Variants in VPS33B observed in about 807,000 individuals in gnomAD.
VPS33B encodes VPS33B late endosome and lysosome associated, also known as vacuolar protein sorting-associated protein 33B.
VPS33B carries 80 observed loss-of-function variants against 95.3 expected under a neutral mutation model. The observed-to-expected ratio is 0.84, with a 90% confidence interval of 0.70 to 1.01. The LOEUF is 1.01. VPS33B is among the 50% of genes least tolerant of loss of function. VPS33B has a pLI of 0.00. For synonymous variants in VPS33B, 280 were observed against 280.4 expected, an observed-to-expected ratio of 1.00 and a Z score of 0.01; for missense variants, 715 against 773.4, an observed-to-expected ratio of 0.92 and a Z score of 0.90.
Position 91,001,399 on chromosome 15 carries a change from T to C in VPS33B, c.1469A>G (p.Lys490Arg). Reference protein sequence around the residue: ...KRSNFRAISKKLNLIPRVDGE... With the variant: ...KRSNFRAISKRLNLIPRVDGE... ...CCCTGTTCCACATACCAAATTCAGC[T>C]TTTTGCTGATGGCACGAAAATTGCT... The change falls in exon 19 of 23, where the codon AAG (lysine) becomes AGG (arginine). Residue 490 changes from lysine to arginine, a missense_variant. By Grantham distance (26) the Lys-to-Arg change is conservative. Coordinates refer to ENST00000333371, the MANE Select transcript of VPS33B (RefSeq NM_018668.5). 6.2e-7 allele frequency: 1 copy of C among 1,613,706 alleles called. No homozygotes were observed. The highest frequency in any genetic ancestry group is 8.5e-7 in the Non-Finnish European group (1 of 1,179,738).
At position 91,006,010 on chromosome 15, in the gene VPS33B, A is replaced by C; in HGVS notation, c.902T>G (p.Leu301Trp). The C allele has an allele frequency of 6.2e-7, 1 of 1,614,226 alleles. No individual in the cohort carries two copies. Among genetic ancestry groups the C allele is most frequent in the Non-Finnish European group, 8.5e-7 (1 of 1,180,044 alleles). ...NEHFSNVFGF[L>W]SQKARNLQAQ... ...CTGCAAGTTCCGGGCCTTCTGGCTC[A>C]AGAAGCCAAAGACATTGGAGAAGTG... The change falls in exon 12 of 23, where the codon TTG becomes TGG. Residue 301 changes from leucine to tryptophan, a missense_variant. Transcript: ENST00000333371. The surrounding 1 kb of genome is among the most constrained non-coding windows in gnomAD (Gnocchi z 5.4).
intron 3 of VPS33B, among the ~76,000 whole-genome samples, chr15:91,016,574 G>T (rs558648884): frequency 6.6e-6 from 1 of 151,872 alleles, no homozygotes; most frequent in African/African-American, 2.4e-5. Context: ...AGTAGAGATG[G>T]GGTTTCACCA....
rs759736388 is a variant in VPS33B at position 91,005,151 on chromosome 15, G to A, written c.1106-32C>T. On this transcript the variant is annotated intron_variant, in intron 14 of 22. Coordinates refer to ENST00000333371, the MANE Select transcript of VPS33B (RefSeq NM_018668.5). This position sits in a 1 kb window ranked among gnomAD's most constrained non-coding sequence, Gnocchi z 6.4. ...GTAATCAGAGGAGAGCCTGTTACTGGGGGCCAGCTCAGCTGCTGCCATCTA... is the reference window on the plus strand; with the variant it reads ...GTAATCAGAGGAGAGCCTGTTACTGAGGGCCAGCTCAGCTGCTGCCATCTA... 1 of 1,614,040 alleles carries A rather than the reference G, an allele frequency of 6.2e-7. No individual in the cohort carries two copies. The highest frequency in any genetic ancestry group is 8.5e-7 in the Non-Finnish European group (1 of 1,180,024).
At chr15:91,019,648 G>A (rs1243756078) in intron 1 of VPS33B, among the ~76,000 whole-genome samples, 5 of 152,108 alleles carry the variant, frequency 3.3e-5, no homozygotes, top group Admixed American at 2.6e-4. Flanking sequence ...GGAAATGTTA[G>A]AGGAATCTGA....
chr15:91,021,053 C>T (rs1446661637), intron 1 of VPS33B, among the ~76,000 whole-genome samples: 3 of 151,756 alleles, frequency 2.0e-5, no homozygotes, highest in Non-Finnish European at 1.5e-5. Flanking sequence ...CCCATCCAAA[C>T]CCAAACAAAT....
chr15:91,005,976 A>G lies in VPS33B; in HGVS notation c.936T>C (p.Tyr312=), dbSNP rs1268491880. ...GGAGCAGGGCTTGGAGCCTCACATC[A>G]TACTGGGCCTGCAAGTTCCGGGCCT... The part of the protein sequence containing the change: ...SQKARNLQAQ[Y]DRRRGMDIKQ... Residue 312 remains tyrosine (Y), a synonymous_variant, in exon 12 of 23, where the codon TAT becomes TAC. Coordinates refer to ENST00000333371, the MANE Select transcript of VPS33B (RefSeq NM_018668.5). The surrounding 1 kb of genome is among the most constrained non-coding windows in gnomAD (Gnocchi z 6.4). 1.9e-6 allele frequency: 3 copies of G among 1,614,000 alleles called. No homozygotes were observed. Among genetic ancestry groups the G allele is most frequent in the Non-Finnish European group, 2.5e-6 (3 of 1,180,014 alleles).
chr15:91,020,805 C>T (rs144190025), intron 1 of VPS33B, among the ~76,000 whole-genome samples: 63 of 152,216 alleles, frequency 4.1e-4, no homozygotes, highest in African/African-American at 1.4e-3. Flanking sequence ...CGCCTGAACC[C>T]GGGAGGTGGA....
Position 91,014,547 on chromosome 15 carries a change from C to G in VPS33B, c.240-114G>C, listed in dbSNP as rs954611796. ...TGCCATTTGCCCTACAGGTCTCATC[C>G]TAGCCAAAGCTATGCTATTCTCTTG... is the stretch of plus-strand genomic sequence containing the variant. On this transcript the variant is annotated intron_variant, in intron 3 of 22. Coordinates refer to ENST00000333371, the MANE Select transcript of VPS33B (RefSeq NM_018668.5). 3 of 1,132,156 alleles carry G rather than the reference C, an allele frequency of 2.6e-6. No homozygotes were observed. The African/African-American group carries it at 4.6e-5, about 17-fold the overall frequency. 70.1% of individuals were successfully genotyped at this position (1,132,156 alleles called of 1,614,324 possible). A position where few individuals can be genotyped will look rare whatever the true frequency, so the allele number is the denominator to read the frequency against.
Position 91,007,812 on chromosome 15 carries a change from T to C in VPS33B, c.498+58A>G. 3 of 1,500,626 alleles carry C rather than the reference T, an allele frequency of 2.0e-6. No individual in the cohort carries two copies. Among genetic ancestry groups the C allele is most frequent in the South Asian group, 2.3e-5 (2 of 88,758 alleles). 93.0% of individuals were successfully genotyped at this position (1,500,626 alleles called of 1,614,324 possible). A position where few individuals can be genotyped will look rare whatever the true frequency, so the allele number is the denominator to read the frequency against. ...GGTTATATTGGTATTTCTAGCCCTCTGCATCCCACATTTGTCCCCATCCCC... is the reference window on the plus strand; with the variant it reads ...GGTTATATTGGTATTTCTAGCCCTCCGCATCCCACATTTGTCCCCATCCCC... On this transcript the variant is annotated intron_variant, in intron 7 of 22. Coordinates refer to ENST00000333371, the MANE Select transcript of VPS33B (RefSeq NM_018668.5). The surrounding 1 kb of genome is among the most constrained non-coding windows in gnomAD (Gnocchi z 5.3).
rs2040713672 is a variant in VPS33B at position 91,009,385 on chromosome 15, C to A, written c.403+416G>T. Among the ~76,000 whole-genome samples the A allele has an allele frequency of 6.6e-6, 1 of 152,052 alleles. No homozygotes were observed. Among genetic ancestry groups the A allele is most frequent in the Non-Finnish European group, 1.5e-5 (1 of 68,020 alleles). On this transcript the variant is annotated intron_variant, in intron 6 of 22. Transcript: ENST00000333371. The surrounding 1 kb of genome is among the most constrained non-coding windows in gnomAD (Gnocchi z 4.1). ...GCAATGGCGTGATCTCGGCTCACTG[C>A]AACCTCTGCCTCCCGGGTTCAAGCA... is the stretch of plus-strand genomic sequence containing the variant.
At position 91,007,753 on chromosome 15, in the gene VPS33B, T is replaced by C. The variant is rs57941827; in HGVS notation, c.498+117A>G. ...CTGTAGCACTCAATCACCACATCAC[T>C]ATCACTTGTGATAAATTACTTGCGT... On this transcript the variant is annotated intron_variant, in intron 7 of 22. Coordinates refer to ENST00000333371, the MANE Select transcript of VPS33B (RefSeq NM_018668.5). This position sits in a 1 kb window ranked among gnomAD's most constrained non-coding sequence, Gnocchi z 5.3. The C allele has an allele frequency of 4.6e-3, 5,493 of 1,189,392 alleles. 139 individuals carry two copies. In the African/African-American group the frequency reaches 0.062, roughly 13 times the overall value. The allele number at this position is 1,189,392 out of a possible 1,614,324, so 73.7% of individuals were successfully genotyped here.
rs550132301 is a variant in VPS33B, at chr15:91,006,246, C to T, written c.852+126G>A. ...GATGCTCTGAACTGGTGGGGAAACC[C>T]TCTCTCCCATAGACTCAGCCTCCCC... On this transcript the variant is annotated intron_variant, in intron 11 of 22. Transcript: ENST00000333371. The surrounding 1 kb of genome is among the most constrained non-coding windows in gnomAD (Gnocchi z 5.4). 3.0e-5 allele frequency: 43 copies of T among 1,452,114 alleles called. No homozygotes were observed. In the African/African-American group the frequency reaches 5.7e-4, roughly 19 times the overall value. 90.0% of individuals were successfully genotyped at this position (1,452,114 alleles called of 1,614,324 possible).
intron 6 of VPS33B, 145 bp from the exon 7 acceptor site, chr15:91,008,109 CAAA>C (rs570364703): frequency 1.5e-4 from 117 of 765,168 alleles, no homozygotes; most frequent in African/African-American, 1.5e-3. Flanking sequence ...AATGGAGGCT[CAAA>C]GAAGAATAAG....
In VPS33B at chr15:91,005,005, C is replaced by A. The variant is rs762886250; in HGVS notation, c.1170+50G>T. Reference sequence around the variant, plus strand: ...TTCTTTTCCTTCTGCTTAAGGCCGACCCCACCTCTAAATGCCATTCTTGGC... The same window carrying A: ...TTCTTTTCCTTCTGCTTAAGGCCGAACCCACCTCTAAATGCCATTCTTGGC... On this transcript the variant is annotated intron_variant, in intron 15 of 22. Coordinates refer to ENST00000333371, the MANE Select transcript of VPS33B (RefSeq NM_018668.5). The surrounding 1 kb of genome is among the most constrained non-coding windows in gnomAD (Gnocchi z 6.4). 5 of 1,614,086 alleles carry A rather than the reference C, an allele frequency of 3.1e-6. No homozygotes were observed. Among genetic ancestry groups the A allele is most frequent in the East Asian group, 4.5e-5 (2 of 44,900 alleles).
intron 3 of VPS33B, 54 bp downstream of exon 3, chr15:91,016,908 GC>G: frequency 6.5e-7 from 1 of 1,546,166 alleles, no homozygotes; most frequent in Non-Finnish European, 8.9e-7. Context: ...AGGCAGACGT[GC>G]CCCTAGGGAC....
chr15:91,022,529 C>T lies in VPS33B; in HGVS notation c.-280G>A. ...TGCCCGTCAGCAGGATTCCGGTCTACACCCCGCAGAGACTCCGCAGCGTAC... is the reference window on the plus strand; with the variant it reads ...TGCCCGTCAGCAGGATTCCGGTCTATACCCCGCAGAGACTCCGCAGCGTAC... On this transcript the variant is annotated 5_prime_UTR_variant, in exon 1 of 23. Coordinates refer to ENST00000333371, the MANE Select transcript of VPS33B (RefSeq NM_018668.5). 3.1e-6 allele frequency: 1 copy of T among 323,414 alleles called. No homozygotes were observed. The highest frequency in any genetic ancestry group is 5.6e-6 in the Non-Finnish European group (1 of 177,058). 20.0% of individuals were successfully genotyped at this position (323,414 alleles called of 1,614,324 possible).
chr15:91,017,700 C>G (rs534216885), intron 2 of VPS33B, 105 bp downstream of exon 2: 6 of 1,087,688 alleles, frequency 5.5e-6, no homozygotes, highest in East Asian at 4.7e-5. Context: ...TTAAGCTACC[C>G]TATATTTGCC....
In VPS33B at chr15:91,007,491, T is replaced by C. The variant is rs200271574; in HGVS notation, c.581A>G (p.Tyr194Cys). Residue 194 changes from tyrosine to cysteine, a missense_variant, in exon 8 of 23, where the codon TAT becomes TGT. Tyr to Cys is a radical substitution (Grantham distance 194). Coordinates refer to ENST00000333371, the MANE Select transcript of VPS33B (RefSeq NM_018668.5). This position sits in a 1 kb window ranked among gnomAD's most constrained non-coding sequence, Gnocchi z 5.3. ...STLYGPFPNC[Y>C]GIGRCAKMAY... The stretch of plus-strand genomic sequence containing the variant: ...TACCTTGGCGCACCTGCCAATTCCA[T>C]AGCAGTTTGGAAAGGGTCCATAGAG... 6.8e-6 allele frequency: 11 copies of C among 1,614,118 alleles called. No homozygotes were observed. The highest frequency in any genetic ancestry group is 3.3e-5 in the Admixed American group (2 of 60,008).
chr15:91,014,286 C>CA lies in VPS33B; in HGVS notation c.289+97dup. ...TCCTCCACAAGTGCTACGGCCAACT[C>CA]AAACAATTATTTTCTTATTAGAGGG... On this transcript the variant is annotated intron_variant, in intron 4 of 22. Coordinates refer to ENST00000333371, the MANE Select transcript of VPS33B (RefSeq NM_018668.5). 2.6e-6 allele frequency: 3 copies of CA among 1,160,364 alleles called. No homozygotes were observed. In the Admixed American group the frequency reaches 5.2e-5, roughly 20 times the overall value. 71.9% of individuals were successfully genotyped at this position (1,160,364 alleles called of 1,614,324 possible).
Sources: allele counts gnomAD v4.1 joint callset (sites outside exome capture counted in the v4.1 genomes callset), GRCh38; gene constraint gnomAD v4.1.1; non-coding constraint Gnocchi (gnomAD v3.1); transcripts MANE v1.5; gene names NCBI Gene and HGNC (gene_info 2026-07-23, HGNC 2026-07-21).